The following CDH12 variants were observed in gnomAD, a reference collection of about 807,000 sequenced individuals.
The protein encoded by CDH12 is cadherin 12, also known as cadherin-12.
In CDH12, 41 loss-of-function variants were observed where a neutral mutation model predicts 74.1. That is an observed-to-expected ratio of 0.55 (90% CI 0.43 to 0.72). CDH12 has a LOEUF of 0.72. Ranked by LOEUF, CDH12 falls within the 30% of genes least tolerant of loss-of-function variation. The pLI, the probability that CDH12 is intolerant of heterozygous loss-of-function variation, is 0.00. For synonymous variants in CDH12, 399 were observed against 355.0 expected (o/e 1.12, Z -1.39); for missense variants, 945 against 977.2 (o/e 0.97, Z 0.44).
chr5:22,303,068 G>A (rs1348914298), intron 3 of CDH12, among the ~76,000 whole-genome samples: 1 of 152,038 alleles, frequency 6.6e-6, no homozygotes, highest in African/African-American at 2.4e-5. Context: ...AAATGTGGGT[G>A]CAAATATTTT....
chr5:22,722,586 C>T (rs1295835419), intron 1 of CDH12, among the ~76,000 whole-genome samples: 3 of 152,132 alleles, frequency 2.0e-5, no homozygotes, highest in Non-Finnish European at 2.9e-5. Flanking sequence ...TAAATACTCA[C>T]AAGTTCAAGT....
intron 3 of CDH12, among the ~76,000 whole-genome samples, chr5:22,313,296 G>C (rs1279453782): frequency 2.0e-5 from 3 of 151,976 alleles, no homozygotes; most frequent in African/African-American, 7.3e-5. Flanking sequence ...AAAGTGCCAT[G>C]TTTTTCTAAA....
chr5:22,781,914 ACTTTGGAACT>A (rs1483641362), intron 1 of CDH12, among the ~76,000 whole-genome samples: 1 of 152,148 alleles, frequency 6.6e-6, no homozygotes, highest in Non-Finnish European at 1.5e-5. Flanking sequence ...AAAGAAGATC[ACTTTGGAACT>A]TTAAGATTTA....
chr5:22,260,874 T>A (rs1411617455), intron 3 of CDH12, among the ~76,000 whole-genome samples: 1 of 151,980 alleles, frequency 6.6e-6, no homozygotes, highest in Non-Finnish European at 1.5e-5. Context: ...CAGCTTTGAC[T>A]CATAGAATTA....
At chr5:22,791,158 C>T (rs1045052832) in intron 1 of CDH12, among the ~76,000 whole-genome samples, 1 of 152,144 alleles carries the variant, frequency 6.6e-6, no homozygotes, top group Non-Finnish European at 1.5e-5. Flanking sequence ...ATATCAATTA[C>T]ATAGCAGTTA....
chr5:22,467,333 C>T (rs1176703067), intron 2 of CDH12, among the ~76,000 whole-genome samples: 2 of 152,114 alleles, frequency 1.3e-5, no homozygotes, highest in Non-Finnish European at 2.9e-5. Context: ...TCAAGAATCC[C>T]CCCATCTGAA....
At chr5:22,073,903 A>G (rs1379048737) in intron 5 of CDH12, among the ~76,000 whole-genome samples, 1 of 152,118 alleles carries the variant, frequency 6.6e-6, no homozygotes, top group Admixed American at 6.6e-5. Context: ...GACAATGGGA[A>G]CTATACAAAT....
chr5:22,023,151 C>T (rs1487574094), intron 5 of CDH12, among the ~76,000 whole-genome samples: 3 of 152,072 alleles, frequency 2.0e-5, no homozygotes, highest in African/African-American at 7.2e-5. Context: ...TTCCACTCTC[C>T]CATGCTTACC....
At chr5:22,162,997 T>C (rs1343303363) in intron 4 of CDH12, among the ~76,000 whole-genome samples, 3 of 148,726 alleles carry the variant, frequency 2.0e-5, no homozygotes, top group Non-Finnish European at 3.0e-5. Flanking sequence ...CCCAGGTTCA[T>C]GCCATTCTCC....
At chr5:22,785,395 T>C (rs1366656801) in intron 1 of CDH12, among the ~76,000 whole-genome samples, 1 of 152,194 alleles carries the variant, frequency 6.6e-6, no homozygotes. Flanking sequence ...AATCTGAATG[T>C]TCTACCACCT....
At chr5:21,968,041 A>T (rs1386470434) in intron 6 of CDH12, among the ~76,000 whole-genome samples, 2 of 152,236 alleles carry the variant, frequency 1.3e-5, no homozygotes, top group Non-Finnish European at 2.9e-5. Context: ...ATAGAAGGTC[A>T]TTATGTTTTT....
intron 1 of CDH12, among the ~76,000 whole-genome samples, chr5:22,627,308 A>T (rs1738350517): frequency 1.3e-5 from 2 of 152,150 alleles, no homozygotes; most frequent in Admixed American, 6.5e-5. Flanking sequence ...CAAGGTCGAT[A>T]TAAAAGAAAA....
chr5:21,909,761 G>C (rs1471826634), intron 6 of CDH12, among the ~76,000 whole-genome samples: 1 of 152,000 alleles, frequency 6.6e-6, no homozygotes, highest in Non-Finnish European at 1.5e-5. Context: ...CCAAAAACTG[G>C]CAAGAGATAA....
chr5:22,057,900 T>A (rs1740853422), intron 5 of CDH12, among the ~76,000 whole-genome samples: 1 of 152,154 alleles, frequency 6.6e-6, no homozygotes, highest in Non-Finnish European at 1.5e-5. Flanking sequence ...ACAATGAAAG[T>A]CGCTCAAAAG....
At chr5:22,114,855 A>G (rs1745000645) in intron 4 of CDH12, among the ~76,000 whole-genome samples, 1 of 152,230 alleles carries the variant, frequency 6.6e-6, no homozygotes, top group Non-Finnish European at 1.5e-5. Context: ...AAGAGTGTCC[A>G]ATCGCTTCAC....
intron 1 of CDH12, among the ~76,000 whole-genome samples, chr5:22,687,207 T>A (rs1237342426): frequency 6.6e-6 from 1 of 151,546 alleles, no homozygotes; most frequent in Non-Finnish European, 1.5e-5. Context: ...GGCAGGAAAA[T>A]CGTTTGAACC....
intron 1 of CDH12, among the ~76,000 whole-genome samples, chr5:22,797,183 T>TAAAA (rs58951425): frequency 6.4e-4 from 55 of 86,180 alleles, no homozygotes; most frequent in South Asian, 1.5e-3. Context: ...AGTGCCTTTA[T>TAAAA]AAAAAAAAAA....
intron 6 of CDH12, among the ~76,000 whole-genome samples, chr5:21,946,462 T>C (rs1561319651): frequency 6.6e-6 from 1 of 152,172 alleles, no homozygotes. Flanking sequence ...ATATTTAAGA[T>C]AATTATATCT....
chr5:21,961,011 T>G (rs1349407179), intron 6 of CDH12, among the ~76,000 whole-genome samples: 1 of 152,104 alleles, frequency 6.6e-6, no homozygotes, highest in Non-Finnish European at 1.5e-5. Context: ...AATATTTTCA[T>G]GAAATTTTTT....
Sources: gnomAD v4.1 joint callset for allele counts (sites outside exome capture counted in the v4.1 genomes callset) on GRCh38, gnomAD v4.1.1 for gene constraint, MANE v1.5 for transcripts, NCBI Gene and HGNC (gene_info 2026-07-23, HGNC 2026-07-21) for gene names.